NRCAM: variants seen among roughly 807,000 people sequenced by gnomAD.
NRCAM encodes the protein neuronal cell adhesion molecule, also known as NgCAM-related cell adhesion molecule.
A neutral mutation model predicts 156.5 loss-of-function variants in NRCAM; 83 were observed. That is an observed-to-expected ratio of 0.53 (90% CI 0.44 to 0.64). The LOEUF is 0.64. Among genes scored for constraint, NRCAM ranks in the 30% least tolerant of loss-of-function variants. NRCAM has a pLI of 0.00. For missense variants in NRCAM, 1,417 were observed against 1,597.3 expected (o/e 0.89, Z 1.92); for synonymous variants, 538 against 563.9 (o/e 0.95, Z 0.65).
Position 108,195,788 on chromosome 7 carries a change from A to G in NRCAM, c.1436T>C (p.Phe479Ser). Residue 479 changes from phenylalanine (F) to serine (S), a missense_variant, in exon 15 of 33, where the codon TTT becomes TCT. Transcript: ENST00000379028. ...NRPALLDCAFFGSPLPTIEWF... is the reference protein window; with the variant it reads ...NRPALLDCAFSGSPLPTIEWF... ...CTCGATGGTTGGGAGAGGAGACCCA[A>G]AGAAGGCACAGTCTAGTAAAGCAGG... 6.2e-7 allele frequency: 1 copy of G among 1,611,736 alleles called. No homozygotes were observed. The highest frequency in any genetic ancestry group is 1.1e-5 in the South Asian group (1 of 90,970).
chr7:108,202,745 T>A (rs1175047004), intron 13 of NRCAM, among the ~76,000 whole-genome samples: 1 of 152,214 alleles, frequency 6.6e-6, no homozygotes, highest in African/African-American at 2.4e-5. Context: ...GCTTTCAACA[T>A]CTTTCATTGT....
chr7:108,294,970 G>A (rs2098423953), intron 3 of NRCAM, among the ~76,000 whole-genome samples: 2 of 152,232 alleles, frequency 1.3e-5, no homozygotes, highest in East Asian at 1.9e-4. Flanking sequence ...CATGAAAAAC[G>A]TTTTGTCTAT....
chr7:108,176,087 T>C (rs1054339636), intron 27 of NRCAM, among the ~76,000 whole-genome samples: 3 of 152,186 alleles, frequency 2.0e-5, no homozygotes, highest in South Asian at 4.1e-4. Flanking sequence ...TATGTGTATG[T>C]GTACATATGT....
intron 2 of NRCAM, among the ~76,000 whole-genome samples, chr7:108,393,568 C>T (rs1375946670): frequency 6.6e-6 from 1 of 151,822 alleles, no homozygotes; most frequent in African/African-American, 2.4e-5. Flanking sequence ...TCGGCTCTCA[C>T]TCAGTGGGCT....
intron 8 of NRCAM, among the ~76,000 whole-genome samples, chr7:108,228,664 T>C (rs769172407): frequency 6.6e-6 from 1 of 152,246 alleles, no homozygotes; most frequent in Non-Finnish European, 1.5e-5. Flanking sequence ...AGTTATGTAT[T>C]CAGATGACTC....
chr7:108,319,865 A>G (rs1348436666), intron 2 of NRCAM, among the ~76,000 whole-genome samples: 1 of 152,238 alleles, frequency 6.6e-6, no homozygotes, highest in African/African-American at 2.4e-5. Flanking sequence ...AGGCCTGGCC[A>G]CTTGGAGCCC....
chr7:108,332,487 A>G (rs1288064183), intron 2 of NRCAM, among the ~76,000 whole-genome samples: 1 of 152,032 alleles, frequency 6.6e-6, no homozygotes, highest in Non-Finnish European at 1.5e-5. Context: ...TTCAATCACC[A>G]TCTCCTTACC....
intron 3 of NRCAM, among the ~76,000 whole-genome samples, chr7:108,305,336 T>C (rs1243344273): frequency 1.3e-5 from 2 of 152,230 alleles, no homozygotes; most frequent in Non-Finnish European, 2.9e-5. Flanking sequence ...GGAACGTAGA[T>C]ATATTTTCCA....
Position 108,380,368 on chromosome 7 carries a change from A to G in NRCAM, c.-174+19068T>C, listed in dbSNP as rs182710606. On this transcript the variant is annotated intron_variant, in intron 2 of 32. Transcript: ENST00000379028. ...GATAATTTATTTTGACCTAATTTCC[A>G]GGTCATTATTTGCCCTTTAGCTGCA... Among the ~76,000 whole-genome samples, 166 of 152,292 alleles carry G rather than the reference A, an allele frequency of 1.1e-3. 2 individuals are homozygous for G. Among genetic ancestry groups the G allele is most frequent in the African/African-American group, 3.6e-3 (151 of 41,566 alleles).
chr7:108,285,164 T>TC (rs1178918771), intron 3 of NRCAM, among the ~76,000 whole-genome samples: 2 of 152,210 alleles, frequency 1.3e-5, no homozygotes, highest in Non-Finnish European at 2.9e-5. Context: ...CTCAGTCTCC[T>TC]CCCTCAGTCT....
intron 3 of NRCAM, among the ~76,000 whole-genome samples, chr7:108,278,093 G>C (rs2097709690): frequency 6.6e-6 from 1 of 152,222 alleles, no homozygotes; most frequent in African/African-American, 2.4e-5. Flanking sequence ...ATTGCTGCCT[G>C]ATCCTTCCTC....
At chr7:108,275,655 T>A (rs1431155816) in intron 3 of NRCAM, among the ~76,000 whole-genome samples, 1 of 152,202 alleles carries the variant, frequency 6.6e-6, no homozygotes, top group Admixed American at 6.5e-5. Context: ...AGGCGGTCTC[T>A]CAATTTTGTT....
intron 28 of NRCAM, among the ~76,000 whole-genome samples, chr7:108,174,898 C>A (rs1253384972): frequency 6.6e-6 from 1 of 152,194 alleles, no homozygotes; most frequent in Non-Finnish European, 1.5e-5. Context: ...ACTGTGTCTA[C>A]AAGGAGAGCA....
intron 1 of NRCAM, among the ~76,000 whole-genome samples, chr7:108,453,818 T>C (rs1853329089): frequency 6.6e-6 from 1 of 152,202 alleles, no homozygotes; most frequent in Non-Finnish European, 1.5e-5. Context: ...ATTTTCCTTT[T>C]TTACTAGTTA....
intron 1 of NRCAM, among the ~76,000 whole-genome samples, chr7:108,443,069 A>G (rs576036372): frequency 9.0e-4 from 137 of 152,356 alleles, no homozygotes; most frequent in African/African-American, 3.2e-3. Flanking sequence ...TCCATGTATT[A>G]AAATGAGATC....
chr7:108,263,405 G>A (rs748570569), intron 3 of NRCAM, among the ~76,000 whole-genome samples: 3 of 152,328 alleles, frequency 2.0e-5, no homozygotes, highest in Non-Finnish European at 2.9e-5. Context: ...GTACATGAAT[G>A]ACACAAATAG....
At chr7:108,253,991 G>A (rs577420335) in intron 3 of NRCAM, among the ~76,000 whole-genome samples, 35 of 152,168 alleles carry the variant, frequency 2.3e-4, no homozygotes, top group Admixed American at 4.6e-4. Flanking sequence ...TGGCTGTGGC[G>A]TCCAGGCGAT....
chr7:108,192,103 G>A (rs947518876), intron 17 of NRCAM, among the ~76,000 whole-genome samples: 2 of 152,268 alleles, frequency 1.3e-5, no homozygotes, highest in African/African-American at 4.8e-5. Flanking sequence ...TCTAGAGCAC[G>A]GGTCCCCAAA....
chr7:108,289,653 C>T (rs748403957), intron 3 of NRCAM, among the ~76,000 whole-genome samples: 20 of 152,116 alleles, frequency 1.3e-4, no homozygotes, highest in Middle Eastern at 6.3e-3. Flanking sequence ...GCCATCAATA[C>T]CTATGTCACA....
Sources: gnomAD v4.1 joint callset for allele counts (sites outside exome capture counted in the v4.1 genomes callset) on GRCh38, gnomAD v4.1.1 for gene constraint, MANE v1.5 for transcripts, NCBI Gene and HGNC (gene_info 2026-07-23, HGNC 2026-07-21) for gene names.